The following CNBD1 variants were observed in gnomAD, a reference collection of about 807,000 sequenced individuals.
The protein encoded by CNBD1 is cyclic nucleotide-binding domain-containing protein 1.
CNBD1 carries 71 observed loss-of-function variants against 54.4 expected under a neutral mutation model. That is an observed-to-expected ratio of 1.30 (90% confidence interval 1.08 to 1.59). The LOEUF is 1.59. CNBD1 is among the 40% of genes most tolerant of loss of function. The pLI, the probability that CNBD1 is intolerant of heterozygous loss-of-function variation, is 0.00. For missense variants in CNBD1, 659 were observed against 518.0 expected (o/e 1.27, Z -2.64); for synonymous variants, 182 against 170.7 (o/e 1.07, Z -0.51).
chr8:87,105,170 A>G (rs760987171), intron 4 of CNBD1, among the ~76,000 whole-genome samples: 13 of 152,204 alleles, frequency 8.5e-5, no homozygotes, highest in Non-Finnish European at 1.8e-4. Flanking sequence ...TTTTGGCTAT[A>G]TCAAAATTGT....
At position 87,379,745 on chromosome 8, in the gene CNBD1, C is replaced by A. The variant is rs182165696; in HGVS notation, c.1304-2875C>A. Among the ~76,000 whole-genome samples the A allele has an allele frequency of 3.5e-3, 527 of 151,734 alleles. 1 individual carries two copies. The highest frequency in any genetic ancestry group is 6.2e-3 in the Non-Finnish European group (421 of 67,888). ...TACGTTTATAATATTTGTAAAATTA[C>A]ATTGATTGAATCTGATTGTTTTATA... On this transcript the variant is annotated intron_variant, in intron 10 of 10. Coordinates refer to ENST00000518476, the MANE Select transcript of CNBD1 (RefSeq NM_173538.3).
intron 1 of CNBD1, among the ~76,000 whole-genome samples, chr8:86,880,787 G>A (rs907226205): frequency 1.9e-4 from 29 of 151,904 alleles, no homozygotes; most frequent in African/African-American, 7.0e-4. Context: ...ACAAAATATC[G>A]GCAAACCCAA....
intron 3 of CNBD1, among the ~76,000 whole-genome samples, chr8:86,912,368 A>G (rs1809112646): frequency 6.6e-6 from 1 of 152,194 alleles, no homozygotes; most frequent in South Asian, 2.1e-4. Flanking sequence ...TAGCTATAAT[A>G]CTTCTTCCAA....
chr8:87,140,485 AG>A, intron 4 of CNBD1, among the ~76,000 whole-genome samples: 1 of 152,170 alleles, frequency 6.6e-6, no homozygotes, highest in Non-Finnish European at 1.5e-5. Flanking sequence ...TTCAGCTTGC[AG>A]ATGACTTCTA....
chr8:87,366,846 T>C (rs1810652024), intron 10 of CNBD1, among the ~76,000 whole-genome samples: 1 of 151,984 alleles, frequency 6.6e-6, no homozygotes. Context: ...GAAGTGAAAA[T>C]GTTCTTAATT....
At chr8:86,922,441 G>A (rs1563822952) in intron 3 of CNBD1, among the ~76,000 whole-genome samples, 1 of 151,970 alleles carries the variant, frequency 6.6e-6, no homozygotes, top group Non-Finnish European at 1.5e-5. Context: ...GAAGAAGAAA[G>A]TTTGTATTAA....
intron 10 of CNBD1, among the ~76,000 whole-genome samples, chr8:87,354,839 C>G (rs200910281): frequency 5.9e-5 from 9 of 152,100 alleles, no homozygotes; most frequent in African/African-American, 1.9e-4. Flanking sequence ...CAAGTCTTTG[C>G]TATTGTGAAT....
intron 2 of CNBD1, among the ~76,000 whole-genome samples, chr8:86,902,297 TG>T (rs964780247): frequency 9.2e-5 from 14 of 151,570 alleles, no homozygotes; most frequent in Middle Eastern, 3.4e-3. Context: ...TTTTGGGAGT[TG>T]GGGGGGGAGC....
chr8:87,193,699 G>T (rs1167160133), intron 4 of CNBD1, among the ~76,000 whole-genome samples: 4 of 151,652 alleles, frequency 2.6e-5, no homozygotes, highest in Admixed American at 6.6e-5. Context: ...TTTTATATTT[G>T]TCTGCGTAAG....
downstream of CNBD1, among the ~76,000 whole-genome samples, chr8:87,386,314 C>T (rs988052128): frequency 2.6e-5 from 4 of 151,930 alleles, no homozygotes; most frequent in Non-Finnish European, 4.4e-5. Context: ...CAAACTACTC[C>T]GAGCTAAAGC....
chr8:86,935,459 C>G (rs1017492011), intron 3 of CNBD1, among the ~76,000 whole-genome samples: 1 of 152,132 alleles, frequency 6.6e-6, no homozygotes, highest in African/African-American at 2.4e-5. Flanking sequence ...TGTTATATTT[C>G]TACTTGTGTC....
At chr8:87,336,471 T>C (rs1177826110) in intron 8 of CNBD1, among the ~76,000 whole-genome samples, 1 of 152,148 alleles carries the variant, frequency 6.6e-6, no homozygotes, top group Admixed American at 6.5e-5. Flanking sequence ...TATTCTTCCT[T>C]CTAATTGATC....
chr8:86,884,049 G>A lies in CNBD1; in HGVS notation c.89-3493G>A, dbSNP rs1006341814. On this transcript the variant is annotated intron_variant, in intron 1 of 10. Transcript: ENST00000518476. ...CGCCTGTAGTCCCAGCTACTTGGGA[G>A]GCTGAGGCAGGAGAATGGCGTGAAC... is the stretch of plus-strand genomic sequence containing the variant. Among the ~76,000 whole-genome samples the A allele has an allele frequency of 7.1e-3, 1,082 of 151,498 alleles. 14 individuals are homozygous for A. The highest frequency in any genetic ancestry group is 0.025 in the African/African-American group (1,042 of 41,388).
chr8:86,947,958 T>C (rs759532566), intron 4 of CNBD1, among the ~76,000 whole-genome samples: 1 of 152,120 alleles, frequency 6.6e-6, no homozygotes, highest in Non-Finnish European at 1.5e-5. Context: ...TCTATGTTCA[T>C]GAGTTCAATT....
intron 6 of CNBD1, among the ~76,000 whole-genome samples, chr8:87,272,975 T>C (rs936500840): frequency 2.6e-5 from 4 of 151,950 alleles, no homozygotes; most frequent in Non-Finnish European, 5.9e-5. Context: ...TTTTTTACAG[T>C]GTAACATCCA....
At chr8:87,024,739 G>T (rs75991621) in intron 4 of CNBD1, among the ~76,000 whole-genome samples, 1 of 152,120 alleles carries the variant, frequency 6.6e-6, no homozygotes, top group African/African-American at 2.4e-5. Context: ...TTTATTTTCT[G>T]TGTTGTTTTA....
At chr8:87,299,988 G>GA (rs939272052) in intron 8 of CNBD1, among the ~76,000 whole-genome samples, 2 of 151,918 alleles carry the variant, frequency 1.3e-5, no homozygotes, top group Non-Finnish European at 2.9e-5. Context: ...GAAATATGGA[G>GA]AAAAAAATGA....
At chr8:86,962,913 G>A (rs1807968818) in intron 4 of CNBD1, among the ~76,000 whole-genome samples, 1 of 152,100 alleles carries the variant, frequency 6.6e-6, no homozygotes, top group African/African-American at 2.4e-5. Flanking sequence ...CTTTGACCCT[G>A]GAGTCCTGTG....
At chr8:87,381,291 A>G (rs940843339) in intron 10 of CNBD1, among the ~76,000 whole-genome samples, 1 of 152,040 alleles carries the variant, frequency 6.6e-6, no homozygotes, top group South Asian at 2.1e-4. Context: ...AAAATGTCCA[A>G]TGCCACTAAC....
Sources: allele counts gnomAD v4.1 joint callset (sites outside exome capture counted in the v4.1 genomes callset), GRCh38; gene constraint gnomAD v4.1.1; transcripts MANE v1.5; gene names NCBI Gene and HGNC (gene_info 2026-07-23, HGNC 2026-07-21).